The following TGM2 variants were observed in gnomAD, a reference collection of about 807,000 sequenced individuals.
TGM2 encodes transglutaminase 2, also known as protein-glutamine gamma-glutamyltransferase 2.
Under a neutral mutation model 75.6 loss-of-function variants are expected in TGM2, and 53 were observed. The ratio of observed to expected loss-of-function variants is 0.70; its 90% CI spans 0.56 to 0.88. The LOEUF (loss-of-function observed/expected upper bound fraction) is 0.88. Among genes scored for constraint, TGM2 ranks in the 40% least tolerant of loss-of-function variants. The pLI is 0.00. For missense variants in TGM2, 842 were observed against 928.5 expected, an observed-to-expected ratio of 0.91 and a Z score of 1.21; for synonymous variants, 374 against 381.1, an observed-to-expected ratio of 0.98 and a Z score of 0.22.
chr20:38,130,468 C>T (rs2074814050), intron 12 of TGM2, 99 bp from the exon 13 acceptor site: 2 of 1,329,854 alleles, frequency 1.5e-6, no homozygotes, highest in South Asian at 2.8e-5. Context: ...AGGATCAGCA[C>T]AGCGTGTCCA....
chr20:38,163,492 C>T lies in TGM2; in HGVS notation c.10+1697G>A, dbSNP rs138546378. ...ATGATTCCCATTTTGTAGACAAAGACACCAGGTGGCTCCAGGTCCCAGAGC... is the reference window on the plus strand; with the variant it reads ...ATGATTCCCATTTTGTAGACAAAGATACCAGGTGGCTCCAGGTCCCAGAGC... On this transcript the variant is annotated intron_variant, in intron 1 of 12. Transcript: ENST00000361475. Among the ~76,000 whole-genome samples, 643 of 152,334 alleles carry T rather than the reference C, an allele frequency of 4.2e-3. 2 individuals are homozygous for T. The highest frequency in any genetic ancestry group is 7.4e-3 in the Non-Finnish European group (501 of 68,020).
chr20:38,130,389 G>A lies in TGM2; in HGVS notation c.1914-20C>T. 6.4e-7 allele frequency: 1 copy of A among 1,572,664 alleles called. No individual in the cohort carries two copies. The highest frequency in any genetic ancestry group is 1.3e-5 in the African/African-American group (1 of 74,336). On this transcript the variant is annotated intron_variant, in intron 12 of 12. Coordinates refer to ENST00000361475, the MANE Select transcript of TGM2 (RefSeq NM_004613.4). ...TCTGGGCTGCAGGGAGAGAGGGGGT[G>A]GTGAGGAAAGGGGCCCAAGGCCTGG...
chr20:38,146,866 A>T lies in TGM2; in HGVS notation c.710T>A (p.Leu237Gln). The T allele has an allele frequency of 6.2e-7, 1 of 1,613,886 alleles. No individual in the cohort carries two copies. Among genetic ancestry groups the T allele is most frequent in the East Asian group, 2.2e-5 (1 of 44,884 alleles). ...GTAGTTGTTGTCCCAGCGTCCCAGC[A>T]GCACACCCTGGTCATCGTTGCAGTT... The part of the protein sequence containing the change: ...MVNCNDDQGV[L>Q]LGRWDNNYGD... The change falls in exon 6 of 13, where the codon CTG (leucine) becomes CAG (glutamine). Residue 237 changes from leucine to glutamine, a missense_variant. Leu to Gln is a moderately radical substitution (Grantham distance 113, BLOSUM62 -2). Transcript: ENST00000361475.
intron 6 of TGM2, among the ~76,000 whole-genome samples, chr20:38,143,203 T>C (rs554598591): frequency 9.2e-5 from 14 of 152,076 alleles, no homozygotes; most frequent in African/African-American, 3.1e-4. Flanking sequence ...CTCCCCAAGA[T>C]AGGGACTTAA....
chr20:38,164,538 C>T (rs562102189), intron 1 of TGM2, among the ~76,000 whole-genome samples: 11 of 152,182 alleles, frequency 7.2e-5, no homozygotes, highest in Admixed American at 3.3e-4. Flanking sequence ...GACCAGGGCA[C>T]GGTCAGGGTG....
Position 38,156,065 on chromosome 20 carries a change from C to A in TGM2, c.215G>T (p.Gly72Val). The change falls in exon 3 of 13, where the codon GGG (glycine) becomes GTG (valine). Residue 72 changes from glycine to valine, a missense_variant. Transcript: ENST00000361475. The part of the protein sequence containing the change: ...VTGPAPSQEA[G>V]TKARFPLRDA... The stretch of plus-strand genomic sequence containing the variant: ...TCTTAGTGGAAAACGGGCCTTGGTC[C>A]CGGCCTCCTGGCTAGGGGCTGGGCC... 1.2e-6 allele frequency: 2 copies of A among 1,613,566 alleles called. No homozygotes were observed. The highest frequency in any genetic ancestry group is 1.7e-6 in the Non-Finnish European group (2 of 1,179,960).
chr20:38,146,072 G>C (rs1457780297), intron 6 of TGM2: 1 of 156,190 alleles, frequency 6.4e-6, no homozygotes, highest in East Asian at 1.9e-4. Context: ...ATTCTCATAA[G>C]CACCATCATC....
At chr20:38,148,660 G>T (rs999831131) in intron 4 of TGM2, among the ~76,000 whole-genome samples, 5 of 152,138 alleles carry the variant, frequency 3.3e-5, no homozygotes, top group African/African-American at 7.2e-5. Flanking sequence ...GGCCCTTCAT[G>T]ATCTGCTCCC....
At chr20:38,158,593 C>G (rs2075216011) in intron 2 of TGM2, among the ~76,000 whole-genome samples, 1 of 152,224 alleles carries the variant, frequency 6.6e-6, no homozygotes, top group African/African-American at 2.4e-5. Context: ...AAACCCCGAC[C>G]CCACCTTGGA....
At chr20:38,132,746 T>G (rs1417995430) in intron 10 of TGM2, 1 of 617,288 alleles carries the variant, frequency 1.6e-6, no homozygotes, top group East Asian at 3.5e-5. Flanking sequence ...TAATCCTGCC[T>G]TTGCCTCTTC....
At chr20:38,136,616 G>C (rs900283113) in intron 10 of TGM2, among the ~76,000 whole-genome samples, 3 of 152,192 alleles carry the variant, frequency 2.0e-5, no homozygotes, top group Non-Finnish European at 4.4e-5. Context: ...GCCCAAAGAC[G>C]ATGTCCTACT....
intron 6 of TGM2, among the ~76,000 whole-genome samples, chr20:38,144,839 T>C (rs1182714351): frequency 1.3e-5 from 2 of 151,960 alleles, no homozygotes; most frequent in African/African-American, 4.8e-5. Flanking sequence ...CCTGGCTCCA[T>C]CCTACACAGC....
intron 1 of TGM2, 68 bp from the exon 2 acceptor site, chr20:38,161,667 C>T (rs2075255642): frequency 6.3e-7 from 1 of 1,579,270 alleles, no homozygotes. Context: ...TGCACCTGCC[C>T]TCCCTAGACA....
chr20:38,156,282 T>C (rs901037817), intron 2 of TGM2, among the ~76,000 whole-genome samples, 193 bp from the exon 3 acceptor site: 1 of 152,234 alleles, frequency 6.6e-6, no homozygotes, highest in African/African-American at 2.4e-5. Context: ...CCCCAGCCTT[T>C]TAGGGTGGTT....
At chr20:38,146,581 G>T in intron 6 of TGM2, 136 bp downstream of exon 6, 1 of 1,062,036 alleles carries the variant, frequency 9.4e-7, no homozygotes, top group Non-Finnish European at 1.4e-6. Flanking sequence ...GGTGGTCACA[G>T]GCTCTAGGCC....
At chr20:38,157,707 G>C (rs2047523909) in intron 2 of TGM2, among the ~76,000 whole-genome samples, 2 of 152,226 alleles carry the variant, frequency 1.3e-5, no homozygotes, top group African/African-American at 2.4e-5. Flanking sequence ...CTGGTGTATA[G>C]TAAGTGCTCA....
At chr20:38,130,593 G>GAA (rs910806911) in intron 12 of TGM2, among the ~76,000 whole-genome samples, 18 of 152,380 alleles carry the variant, frequency 1.2e-4, no homozygotes, top group Admixed American at 1.2e-3. Context: ...GGTGCATTTA[G>GAA]GGGCACAAGG....
intron 2 of TGM2, among the ~76,000 whole-genome samples, chr20:38,158,995 C>T (rs890389573): frequency 6.6e-6 from 1 of 152,148 alleles, no homozygotes; most frequent in African/African-American, 2.4e-5. Context: ...TGGGCTCTTC[C>T]GTGGCTGCCT....
At chr20:38,163,710 C>T (rs1290384204) in intron 1 of TGM2, among the ~76,000 whole-genome samples, 7 of 152,144 alleles carry the variant, frequency 4.6e-5, no homozygotes, top group African/African-American at 9.7e-5. Flanking sequence ...TGTCGGTCCC[C>T]GTGTAATCAC....
Sources: gnomAD v4.1 joint callset for allele counts (sites outside exome capture counted in the v4.1 genomes callset) on GRCh38, gnomAD v4.1.1 for gene constraint, MANE v1.5 for transcripts, NCBI Gene and HGNC (gene_info 2026-07-23, HGNC 2026-07-21) for gene names.